Variants in COL9A3 observed in about 807,000 individuals in gnomAD.
COL9A3 encodes collagen alpha-3(IX) chain.
Under a neutral mutation model 110.2 loss-of-function variants are expected in COL9A3, and 82 were observed. The observed-to-expected ratio is 0.74, with a 90% CI of 0.62 to 0.89. The LOEUF is 0.89. COL9A3 is among the 40% of genes least tolerant of loss of function. The pLI, the probability that COL9A3 is intolerant of heterozygous loss-of-function variation, is 0.00. For missense variants in COL9A3, 1,066 were observed against 981.3 expected (o/e 1.09, Z -1.15); for synonymous variants, 494 against 403.8 (o/e 1.22, Z -2.68).
intron 17 of COL9A3, 26 bp from the exon 18 acceptor site, chr20:62,828,738 G>A (rs750847238): frequency 6.2e-6 from 10 of 1,612,092 alleles, no homozygotes; most frequent in East Asian, 2.2e-5. Flanking sequence ...ACTGCCCGAC[G>A]GGCCTTACTC....
In COL9A3 at chr20:62,840,811, G is replaced by A. The variant is rs912682084; in HGVS notation, c.*79G>A. ...ATGAAGGAGCGGGGGTGTGGCAGGC[G>A]GGTGACGTCCAGGAGAGGGAGCGCC... On this transcript the variant is annotated 3_prime_UTR_variant, in exon 32 of 32. Transcript: ENST00000649368. 8.6e-6 allele frequency: 13 copies of A among 1,513,450 alleles called. No individual in the cohort carries two copies. Among genetic ancestry groups the A allele is most frequent in the East Asian group, 4.9e-5 (2 of 40,678 alleles). The allele number at this position is 1,513,450 out of a possible 1,614,324, so 93.8% of individuals were successfully genotyped here.
intron 30 of COL9A3, among the ~76,000 whole-genome samples, chr20:62,837,667 C>T (rs1375570415): frequency 6.6e-6 from 1 of 151,688 alleles, no homozygotes; most frequent in South Asian, 2.1e-4. Flanking sequence ...ATTAGCTGGG[C>T]ATGGTGGCAC....
In COL9A3 at chr20:62,837,361, T is replaced by C. The variant is rs932583552; in HGVS notation, c.1786+96T>C. 3 of 1,369,000 alleles carry C rather than the reference T, an allele frequency of 2.2e-6. No homozygotes were observed. The African/African-American group carries it at 4.3e-5, about 20-fold the overall frequency. The allele number at this position is 1,369,000 out of a possible 1,614,324, so 84.8% of individuals were successfully genotyped here. A position where few individuals can be genotyped will look rare whatever the true frequency, so the allele number is the denominator to read the frequency against. Reference sequence around the variant, plus strand: ...TGCTTCTGGTGCCTGCCATGCGCCCTCAGGGGTAACCCCTGGAACGTGGGG... The same window carrying C: ...TGCTTCTGGTGCCTGCCATGCGCCCCCAGGGGTAACCCCTGGAACGTGGGG... On this transcript the variant is annotated intron_variant, in intron 30 of 31. Transcript: ENST00000649368.
At position 62,827,237 on chromosome 20, in the gene COL9A3, C is replaced by G; in HGVS notation, c.793-4C>G. Reference sequence around the variant, plus strand: ...CTGTCCCTGCCCCACCTCATCCTTTCCAGGGTGACCGAGGCGAGAGGGGCC... The same window carrying G: ...CTGTCCCTGCCCCACCTCATCCTTTGCAGGGTGACCGAGGCGAGAGGGGCC... On this transcript the variant is annotated splice_region_variant and splice_polypyrimidine_tract_variant and intron_variant, in intron 15 of 31. Transcript: ENST00000649368. 6.2e-7 allele frequency: 1 copy of G among 1,613,286 alleles called. No homozygotes were observed. Among genetic ancestry groups the G allele is most frequent in the Non-Finnish European group, 8.5e-7 (1 of 1,179,952 alleles).
At chr20:62,832,777 G>A in intron 25 of COL9A3, 1 of 436,568 alleles carries the variant, frequency 2.3e-6, no homozygotes. Flanking sequence ...CGCAGGTTCT[G>A]CTTGGCAGAA....
chr20:62,816,837 G>C (rs1403106202), upstream of COL9A3, among the ~76,000 whole-genome samples: 1 of 152,108 alleles, frequency 6.6e-6, no homozygotes, highest in Non-Finnish European at 1.5e-5. Context: ...ATTTTAACTC[G>C]CGGCCGGAGA....
chr20:62,828,867 TTCGGCCTCCCGAGGCC>T, intron 18 of COL9A3, 40 bp from the exon 19 acceptor site: 4 of 1,611,830 alleles, frequency 2.5e-6, no homozygotes, highest in Non-Finnish European at 3.4e-6. Context: ...TGGAGGGGAG[TTCGGCCTCCCGAGGCC>T]TCAGCCTCCC....
At chr20:62,830,759 C>G (rs1287506515) in intron 24 of COL9A3, among the ~76,000 whole-genome samples, 171 bp downstream of exon 24, 2 of 9,878 alleles carry the variant, frequency 2.0e-4, no homozygotes, top group East Asian at 0.012. Flanking sequence ...CAACCCCCAC[C>G]ACAGTCCCCC....
chr20:62,835,657 A>G (rs1047381470), intron 26 of COL9A3, among the ~76,000 whole-genome samples: 2 of 152,204 alleles, frequency 1.3e-5, no homozygotes, highest in Non-Finnish European at 2.9e-5. Flanking sequence ...ATGGAAGCAA[A>G]GTAAGCGTGT....
intron 26 of COL9A3, among the ~76,000 whole-genome samples, chr20:62,835,391 T>C (rs2063627284): frequency 6.6e-6 from 1 of 152,210 alleles, no homozygotes; most frequent in African/African-American, 2.4e-5. Context: ...ATCCTTTTCA[T>C]GAGGAACCCA....
At chr20:62,818,366 T>C in intron 2 of COL9A3, 152 bp from the exon 3 acceptor site, 1 of 771,336 alleles carries the variant, frequency 1.3e-6, no homozygotes, top group Non-Finnish European at 2.3e-6. Context: ...GGGTGCCCTC[T>C]AGGTAGGGAT....
chr20:62,821,064 G>A, intron 5 of COL9A3, 117 bp from the exon 6 acceptor site: 1 of 1,073,388 alleles, frequency 9.3e-7, no homozygotes, highest in South Asian at 1.3e-5. Context: ...CTGTGAAGTG[G>A]GGACTTGGAC....
At chr20:62,834,168 CT>C (rs1032340370) in intron 26 of COL9A3, among the ~76,000 whole-genome samples, 10 of 152,236 alleles carry the variant, frequency 6.6e-5, no homozygotes, top group Non-Finnish European at 1.0e-4. Flanking sequence ...GCCACCGCCC[CT>C]GGCCTAATTG....
At chr20:62,823,651 C>T (rs2063527876) in intron 10 of COL9A3, among the ~76,000 whole-genome samples, 1 of 152,248 alleles carries the variant, frequency 6.6e-6, no homozygotes. Flanking sequence ...TACGGGTCTG[C>T]ACCCTTGGCC....
rs764783496 is a variant in COL9A3 at position 62,817,161 on chromosome 20, C to T, written c.78+19C>T. On this transcript the variant is annotated intron_variant, in intron 1 of 31. Coordinates refer to ENST00000649368, the MANE Select transcript of COL9A3 (RefSeq NM_001853.4). ...GGCGCAGGTGAGCGCGAGCTCCGGG[C>T]TCTGAGGCTGGACGTGGAGCCGCGA... is the stretch of plus-strand genomic sequence containing the variant. The T allele has an allele frequency of 7.3e-7, 1 of 1,378,564 alleles. No individual in the cohort carries two copies. Among genetic ancestry groups the T allele is most frequent in the South Asian group, 1.5e-5 (1 of 67,576 alleles). 85.4% of individuals were successfully genotyped at this position (1,378,564 alleles called of 1,614,324 possible).
intron 28 of COL9A3, 35 bp from the exon 29 acceptor site, chr20:62,836,443 C>A (rs1165139794): frequency 1.2e-6 from 2 of 1,613,454 alleles, no homozygotes; most frequent in Admixed American, 1.7e-5. Flanking sequence ...GAGGCTGCCG[C>A]CCCCATGCTG....
In COL9A3 at chr20:62,832,168, C is replaced by T. The variant is rs538813982; in HGVS notation, c.1302C>T (p.Ala434=). 4 of 1,612,972 alleles carry T rather than the reference C, an allele frequency of 2.5e-6. No homozygotes were observed. Among genetic ancestry groups the T allele is most frequent in the African/African-American group, 1.3e-5 (1 of 75,046 alleles). Residue 434 remains alanine (A), a synonymous_variant, in exon 25 of 32, where the codon GCC becomes GCT. Coordinates refer to ENST00000649368, the MANE Select transcript of COL9A3 (RefSeq NM_001853.4). ...TCCACATCCAGGGTCCGGGAGGTGC[C>T]GCAGGCCCTAAGGGAGACCAGGTGA... ...GDVGDRGPGG[A]AGPKGDQGIA...
rs372820819 is a variant in COL9A3 at position 62,837,129 on chromosome 20, C to G, written c.1650C>G (p.Pro550=). The G allele has an allele frequency of 1.2e-6, 2 of 1,613,470 alleles. No individual in the cohort carries two copies. The highest frequency in any genetic ancestry group is 1.7e-6 in the Non-Finnish European group (2 of 1,180,014). Residue 550 remains proline (P), a synonymous_variant, in exon 30 of 32, where the codon CCC becomes CCG. Coordinates refer to ENST00000649368, the MANE Select transcript of COL9A3 (RefSeq NM_001853.4). Reference sequence around the variant, plus strand: ...CGCACCTAAGGAAGCCTTTGGCACCCGGGTCCATTGGTCGGCCCGGTCCAG... The same window carrying G: ...CGCACCTAAGGAAGCCTTTGGCACCGGGGTCCATTGGTCGGCCCGGTCCAG... The part of the protein sequence containing the change: ...LAAHLRKPLA[P]GSIGRPGPAG...
chr20:62,836,620 A>G (rs2063638982), intron 29 of COL9A3, 88 bp downstream of exon 29: 1 of 1,381,772 alleles, frequency 7.2e-7, no homozygotes, highest in Admixed American at 2.1e-5. Flanking sequence ...CCTTCGTGCC[A>G]CTGCTTTCCA....
Sources: allele counts gnomAD v4.1 joint callset (sites outside exome capture counted in the v4.1 genomes callset), GRCh38; gene constraint gnomAD v4.1.1; transcripts MANE v1.5; gene names NCBI Gene and HGNC (gene_info 2026-07-23, HGNC 2026-07-21).